The following CCNY variants were observed in gnomAD, a reference collection of about 807,000 sequenced individuals.
CCNY encodes cyclin-Y.
In CCNY, 19 loss-of-function variants were observed where a neutral mutation model predicts 42.8. The ratio of observed to expected loss-of-function variants is 0.44; its 90% CI spans 0.31 to 0.65. The LOEUF (loss-of-function observed/expected upper bound fraction) is 0.65. Among genes scored for constraint, CCNY ranks in the 30% least tolerant of loss-of-function variants. The pLI, the probability that CCNY is intolerant of heterozygous loss-of-function variation, is 0.07. For synonymous variants in CCNY, 165 were observed against 162.7 expected, an observed-to-expected ratio of 1.01 and a Z score of -0.11; for missense variants, 370 against 437.3, an observed-to-expected ratio of 0.85 and a Z score of 1.37.
intron 1 of CCNY, among the ~76,000 whole-genome samples, chr10:35,436,689 T>C (rs1453248719): frequency 2.0e-5 from 3 of 152,232 alleles, no homozygotes; most frequent in Non-Finnish European, 4.4e-5. Flanking sequence ...TGGTGGTGGC[T>C]TTGACTTCTG....
chr10:35,510,859 A>G (rs766207968), intron 3 of CCNY, among the ~76,000 whole-genome samples: 96 of 152,356 alleles, frequency 6.3e-4, no homozygotes, highest in Non-Finnish European at 9.8e-4. Context: ...TGATCAAGCC[A>G]GGATGTGTGA....
chr10:35,533,617 G>C (rs752559163), intron 7 of CCNY, among the ~76,000 whole-genome samples: 6 of 152,126 alleles, frequency 3.9e-5, no homozygotes, highest in Non-Finnish European at 8.8e-5. Flanking sequence ...GCACATCAGG[G>C]GGCTGTTGCC....
chr10:35,484,184 C>T (rs1407435032), intron 2 of CCNY, among the ~76,000 whole-genome samples: 1 of 152,196 alleles, frequency 6.6e-6, no homozygotes, highest in Admixed American at 6.5e-5. Flanking sequence ...ATGATGATAT[C>T]ATGACCAGGA....
chr10:35,312,512 G>A (rs890800967), intron 3 of CCNY, among the ~76,000 whole-genome samples: 2 of 151,800 alleles, frequency 1.3e-5, no homozygotes, highest in African/African-American at 4.8e-5. Context: ...GGCACCACAT[G>A]GATCATTCCT....
intron 7 of CCNY, among the ~76,000 whole-genome samples, chr10:35,551,884 TAGGG>T (rs1163940931): frequency 2.0e-5 from 3 of 152,172 alleles, no homozygotes; most frequent in African/African-American, 7.2e-5. Flanking sequence ...TAAGAAATGT[TAGGG>T]AGGATGTGGA....
At chr10:35,348,462 C>T (rs1330527159) in intron 1 of CCNY, among the ~76,000 whole-genome samples, 1 of 152,240 alleles carries the variant, frequency 6.6e-6, no homozygotes, top group Non-Finnish European at 1.5e-5. Context: ...ACCGTGTGTG[C>T]TCTGCAGGCA....
At chr10:35,341,994 G>A (rs1836191920) in intron 1 of CCNY, among the ~76,000 whole-genome samples, 1 of 152,110 alleles carries the variant, frequency 6.6e-6, no homozygotes, top group African/African-American at 2.4e-5. Flanking sequence ...ATGAACATCT[G>A]CAATTATGAA....
chr10:35,539,170 G>C (rs1840946055), intron 7 of CCNY, among the ~76,000 whole-genome samples: 2 of 152,288 alleles, frequency 1.3e-5, no homozygotes, highest in African/African-American at 4.8e-5. Context: ...TAGATTTGAA[G>C]TTGAAATTGG....
upstream of CCNY, among the ~76,000 whole-genome samples, chr10:35,332,743 TATAGGCGCCCACCACCACGCCTGGCTA>T (rs1316783850): frequency 2.0e-5 from 3 of 152,128 alleles, no homozygotes; most frequent in African/African-American, 7.2e-5. Context: ...CAGCTGGAGC[TATAGGCGCCCACCACCACGCCTGGCTA>T]ATTTTTTGTA....
At position 35,553,036 on chromosome 10, in the gene CCNY, T is replaced by C; in HGVS notation, c.597T>C (p.Leu199=). The C allele has an allele frequency of 6.2e-7, 1 of 1,614,100 alleles. No homozygotes were observed. The highest frequency in any genetic ancestry group is 8.5e-7 in the Non-Finnish European group (1 of 1,179,948). ...CTTCCCAGGTGTACCTTGAAAGACT[T>C]TTAACATACGCAGAGATAGATATCT... ...AIVTLVYLER[L]LTYAEIDICP... The change falls in exon 8 of 10, where the codon CTT becomes CTC. Residue 199 remains leucine (L), a synonymous_variant. Coordinates refer to ENST00000374704, the MANE Select transcript of CCNY (RefSeq NM_145012.6).
intron 3 of CCNY, chr10:35,314,704 T>G (rs1403579861): frequency 1.3e-5 from 2 of 152,160 alleles, no homozygotes; most frequent in Non-Finnish European, 2.9e-5. Flanking sequence ...TCTATAAGAT[T>G]GCATTTTCAA....
chr10:35,321,370 C>T (rs1312340881), intron 3 of CCNY, among the ~76,000 whole-genome samples: 1 of 151,946 alleles, frequency 6.6e-6, no homozygotes, highest in African/African-American at 2.4e-5. Flanking sequence ...ACAATGTAAT[C>T]TTAACTGAAA....
At chr10:35,567,358 C>T (rs1173289486) in intron 9 of CCNY, among the ~76,000 whole-genome samples, 1 of 152,250 alleles carries the variant, frequency 6.6e-6, no homozygotes, top group Non-Finnish European at 1.5e-5. Flanking sequence ...TCACCAGGCT[C>T]TTCCCACTTG....
At chr10:35,491,687 C>T (rs1839899877) in intron 2 of CCNY, among the ~76,000 whole-genome samples, 1 of 152,114 alleles carries the variant, frequency 6.6e-6, no homozygotes, top group African/African-American at 2.4e-5. Flanking sequence ...GATCTCGGCT[C>T]ACTGCATGCT....
At chr10:35,378,958 C>T (rs751131373) in intron 1 of CCNY, among the ~76,000 whole-genome samples, 5 of 152,078 alleles carry the variant, frequency 3.3e-5, no homozygotes, top group South Asian at 2.1e-4. Flanking sequence ...TTCTCATGGC[C>T]AGAGTCAAGG....
chr10:35,442,661 A>G (rs1200429022), intron 1 of CCNY, among the ~76,000 whole-genome samples: 1 of 152,218 alleles, frequency 6.6e-6, no homozygotes, highest in Admixed American at 6.5e-5. Context: ...TCATGTTTGG[A>G]ACATATAGAG....
chr10:35,416,160 CGTGTGTGTGT>C (rs57188309), intron 1 of CCNY, among the ~76,000 whole-genome samples: 9 of 144,498 alleles, frequency 6.2e-5, no homozygotes, highest in South Asian at 2.3e-4. Context: ...TTGTGGCACC[CGTGTGTGTGT>C]GTGTGTGTGT....
intron 1 of CCNY, among the ~76,000 whole-genome samples, chr10:35,384,171 A>G (rs1837253536): frequency 6.6e-6 from 1 of 152,220 alleles, no homozygotes; most frequent in African/African-American, 2.4e-5. Context: ...CAATCAGTTT[A>G]GAAGTTTATT....
intron 1 of CCNY, among the ~76,000 whole-genome samples, chr10:35,398,086 G>A (rs535652154): frequency 4.6e-5 from 7 of 152,276 alleles, no homozygotes; most frequent in African/African-American, 1.7e-4. Flanking sequence ...GGTAGTAGCT[G>A]GGCTTCCTGG....
Sources: gnomAD v4.1 joint callset for allele counts (sites outside exome capture counted in the v4.1 genomes callset) on GRCh38, gnomAD v4.1.1 for gene constraint, MANE v1.5 for transcripts, NCBI Gene and HGNC (gene_info 2026-07-23, HGNC 2026-07-21) for gene names.